SUGCT: variants seen among roughly 807,000 people sequenced by gnomAD.
SUGCT encodes succinyl-CoA:glutarate CoA-transferase.
In SUGCT, 41 loss-of-function variants were observed where a neutral mutation model predicts 55.0. The observed-to-expected ratio is 0.74, with a 90% CI of 0.58 to 0.97. SUGCT has a LOEUF of 0.97. SUGCT is among the 50% of genes least tolerant of loss of function. The pLI, the probability that SUGCT is intolerant of heterozygous loss-of-function variation, is 0.00. For synonymous variants in SUGCT, 187 were observed against 200.4 expected (o/e 0.93, Z 0.56); for missense variants, 568 against 547.8 (o/e 1.04, Z -0.37).
At chr7:40,333,717 T>C (rs1312758562) in intron 9 of SUGCT, among the ~76,000 whole-genome samples, 2 of 102,570 alleles carry the variant, frequency 1.9e-5, no homozygotes, top group South Asian at 3.0e-4. Flanking sequence ...ATTTATAAAA[T>C]ACACACATAT....
At position 40,245,392 on chromosome 7, in the gene SUGCT, G is replaced by A. The variant is rs545430315; in HGVS notation, c.576+7666G>A. On this transcript the variant is annotated intron_variant, in intron 7 of 13. Transcript: ENST00000335693. The stretch of plus-strand genomic sequence containing the variant: ...TTTTTTTTATTTTAAATTTTTATAG[G>A]TACGTAGTAGACATATATATATATA... 1.2e-4 allele frequency among the ~76,000 whole-genome samples: 12 copies of A among 104,008 alleles called. No homozygotes were observed. In the East Asian group the frequency reaches 2.4e-3, roughly 21 times the overall value. 68.2% of individuals were successfully genotyped at this position (104,008 alleles called of 152,430 possible). A position where few individuals can be genotyped will look rare whatever the true frequency, so the allele number is the denominator to read the frequency against.
At chr7:40,917,948 G>A in the SUGCT span, among the ~76,000 whole-genome samples, 1 of 151,970 alleles carries the variant, frequency 6.6e-6, no homozygotes, top group African/African-American at 2.4e-5. Flanking sequence ...TATATATTTT[G>A]GCTGGATACA....
At chr7:40,855,025 T>C (rs1794096872) in intron 13 of SUGCT, among the ~76,000 whole-genome samples, 2 of 144,530 alleles carry the variant, frequency 1.4e-5, no homozygotes, top group South Asian at 4.4e-4. Flanking sequence ...TTTTATTCTT[T>C]AAAAAAAAAA....
chr7:40,505,277 G>T (rs1288291206), intron 12 of SUGCT, among the ~76,000 whole-genome samples: 3 of 151,706 alleles, frequency 2.0e-5, no homozygotes, highest in Non-Finnish European at 4.4e-5. Context: ...ATGGTAGATA[G>T]GTGGATCCTG....
chr7:40,244,893 T>C (rs1461268914), intron 7 of SUGCT, among the ~76,000 whole-genome samples: 2 of 152,110 alleles, frequency 1.3e-5, no homozygotes, highest in East Asian at 1.9e-4. Flanking sequence ...ACTGGGTCTT[T>C]TTCCTTGAGT....
intron 9 of SUGCT, among the ~76,000 whole-genome samples, chr7:40,360,869 A>T (rs151284389): frequency 1.3e-5 from 2 of 152,274 alleles, no homozygotes; most frequent in East Asian, 3.9e-4. Flanking sequence ...AATAGTGTGG[A>T]ACAAGCAAAG....
intron 6 of SUGCT, among the ~76,000 whole-genome samples, chr7:40,222,986 T>TTTCCTTTCTTTC (rs1053244744): frequency 4.3e-5 from 4 of 94,054 alleles, no homozygotes; most frequent in African/African-American, 1.7e-4. Flanking sequence ...TTTTCATTTC[T>TTTCCTTTCTTTC]TTCCTTCCTT....
intron 9 of SUGCT, among the ~76,000 whole-genome samples, chr7:40,360,036 C>CA (rs1001615151): frequency 3.3e-5 from 5 of 152,186 alleles, no homozygotes; most frequent in African/African-American, 9.6e-5. Context: ...ATTTTTGAGA[C>CA]AGAGTCTCAC....
intron 12 of SUGCT, among the ~76,000 whole-genome samples, chr7:40,743,932 A>G (rs527880989): frequency 6.6e-6 from 1 of 152,022 alleles, no homozygotes; most frequent in African/African-American, 2.4e-5. Context: ...TTTTGAATAT[A>G]TATTTTTGAA....
chr7:40,851,321 T>TA (rs5883744), intron 13 of SUGCT, among the ~76,000 whole-genome samples: 59 of 150,660 alleles, frequency 3.9e-4, no homozygotes, highest in South Asian at 1.3e-3. Flanking sequence ...TTTGTAAATG[T>TA]AAAAAAAAAA....
chr7:40,196,090 T>C (rs937913314), intron 6 of SUGCT, among the ~76,000 whole-genome samples: 1 of 152,146 alleles, frequency 6.6e-6, no homozygotes, highest in African/African-American at 2.4e-5. Flanking sequence ...TCAGAAGCAC[T>C]AAGCCAAAGG....
intron 12 of SUGCT, chr7:40,499,218 G>C (rs1417960009): frequency 2.4e-6 from 1 of 419,788 alleles, no homozygotes; most frequent in South Asian, 1.7e-5. Context: ...CGTAGGAATG[G>C]AGACTTTGAT....
chr7:40,879,622 T>C, the SUGCT span, among the ~76,000 whole-genome samples: 6 of 152,230 alleles, frequency 3.9e-5, no homozygotes, highest in Non-Finnish European at 5.9e-5. Flanking sequence ...TCCAGTTTCT[T>C]TTATTCTATA....
At chr7:40,596,677 A>G (rs1172628979) in intron 12 of SUGCT, among the ~76,000 whole-genome samples, 1 of 152,104 alleles carries the variant, frequency 6.6e-6, no homozygotes, top group Admixed American at 6.6e-5. Context: ...GTAGATGTGG[A>G]TGGATGGAGA....
rs180995809 is a variant in SUGCT, at chr7:40,233,968, G to A, written c.485-3667G>A. Among the ~76,000 whole-genome samples the A allele has an allele frequency of 7.2e-5, 11 of 152,124 alleles. No individual in the cohort carries two copies. The East Asian group carries it at 2.1e-3, about 29-fold the overall frequency. ...CTCCCCTTTTTCCCTATACTTTACT[G>A]CTTCCAATGAGAGCAACTATTCCTT... On this transcript the variant is annotated intron_variant, in intron 6 of 13. Transcript: ENST00000335693.
chr7:40,161,497 G>A (rs1784144589), intron 1 of SUGCT, among the ~76,000 whole-genome samples: 1 of 152,066 alleles, frequency 6.6e-6, no homozygotes, highest in Admixed American at 6.6e-5. Flanking sequence ...TACCTATGAA[G>A]TTGTTTGATC....
intron 13 of SUGCT, among the ~76,000 whole-genome samples, chr7:40,795,253 T>A (rs1367648028): frequency 6.6e-6 from 1 of 152,006 alleles, no homozygotes; most frequent in Non-Finnish European, 1.5e-5. Flanking sequence ...GCCATAGAGG[T>A]AGTTAGCAGA....
intron 12 of SUGCT, among the ~76,000 whole-genome samples, chr7:40,725,094 G>A (rs1209801392): frequency 6.6e-6 from 1 of 152,124 alleles, no homozygotes; most frequent in Non-Finnish European, 1.5e-5. Context: ...TCTCATTGAG[G>A]CCTGGCCTTG....
intron 9 of SUGCT, among the ~76,000 whole-genome samples, chr7:40,330,717 C>T (rs187670151): frequency 3.3e-5 from 5 of 151,972 alleles, no homozygotes; most frequent in Middle Eastern, 3.4e-3. Context: ...TCACTAAATG[C>T]GTGGCAAATA....
Sources: gnomAD v4.1 joint callset for allele counts (sites outside exome capture counted in the v4.1 genomes callset) on GRCh38, gnomAD v4.1.1 for gene constraint, MANE v1.5 for transcripts, NCBI Gene and HGNC (gene_info 2026-07-23, HGNC 2026-07-21) for gene names.